ICA1L: variants seen among roughly 807,000 people sequenced by gnomAD.
ICA1L encodes the protein islet cell autoantigen 1-like protein.
In ICA1L, 50 loss-of-function variants were observed where a neutral mutation model predicts 61.3. The observed-to-expected ratio is 0.82, with a 90% CI of 0.65 to 1.03. ICA1L has a LOEUF of 1.03. Among genes scored for constraint, ICA1L ranks in the 50% least tolerant of loss-of-function variants. The pLI is 0.00. For synonymous variants in ICA1L, 161 were observed against 191.3 expected (o/e 0.84, Z 1.31); for missense variants, 508 against 556.7 (o/e 0.91, Z 0.88).
At chr2:202,811,156 G>A (rs879482821) in intron 9 of ICA1L, among the ~76,000 whole-genome samples, 7 of 152,116 alleles carry the variant, frequency 4.6e-5, no homozygotes, top group East Asian at 1.9e-4. Context: ...CTGGTTTTGC[G>A]GCTTGTGGGG....
chr2:202,779,869 T>A (rs1363518791), intron 12 of ICA1L, among the ~76,000 whole-genome samples: 1 of 151,024 alleles, frequency 6.6e-6, no homozygotes, highest in Admixed American at 6.6e-5. Flanking sequence ...GGTCTGGAAC[T>A]CCTGGGCTCA....
intron 1 of ICA1L, among the ~76,000 whole-genome samples, chr2:202,863,496 T>C (rs1166424148): frequency 6.6e-6 from 1 of 151,468 alleles, no homozygotes; most frequent in Non-Finnish European, 1.5e-5. Context: ...GTAAGACTGA[T>C]CAACAAAGAA....
intron 1 of ICA1L, among the ~76,000 whole-genome samples, chr2:202,836,574 T>C (rs1229217339): frequency 6.6e-6 from 1 of 152,038 alleles, no homozygotes; most frequent in Non-Finnish European, 1.5e-5. Context: ...TTCAGAAGGA[T>C]TGGTTTTAAT....
intron 1 of ICA1L, chr2:202,840,281 C>A (rs757958912): frequency 1.1e-5 from 5 of 447,684 alleles, no homozygotes; most frequent in African/African-American, 4.0e-5. Context: ...CCCTCCCAAG[C>A]TCTGGGGCAG....
chr2:202,810,838 G>A (rs1308351110), intron 9 of ICA1L, among the ~76,000 whole-genome samples: 1 of 152,168 alleles, frequency 6.6e-6, no homozygotes, highest in East Asian at 1.9e-4. Context: ...TATGGTCATA[G>A]CTGTGGGATG....
chr2:202,821,006 G>A (rs1371719657), intron 4 of ICA1L, among the ~76,000 whole-genome samples: 4 of 152,064 alleles, frequency 2.6e-5, no homozygotes, highest in Admixed American at 6.6e-5. Context: ...ATCAAAAAGC[G>A]AAATTGGAAA....
At chr2:202,863,223 C>T (rs769594969) in intron 1 of ICA1L, among the ~76,000 whole-genome samples, 3 of 151,702 alleles carry the variant, frequency 2.0e-5, no homozygotes, top group South Asian at 2.1e-4. Context: ...ACCCGGGAGG[C>T]GGAGGTTGCA....
intron 9 of ICA1L, among the ~76,000 whole-genome samples, chr2:202,803,538 ATC>A (rs1308062830): frequency 6.6e-6 from 1 of 152,096 alleles, no homozygotes; most frequent in Non-Finnish European, 1.5e-5. Context: ...TAAGCCAAAA[ATC>A]ATTATTATTA....
At chr2:202,855,903 G>C (rs762343078) in intron 1 of ICA1L, among the ~76,000 whole-genome samples, 2 of 151,874 alleles carry the variant, frequency 1.3e-5, no homozygotes, top group African/African-American at 4.8e-5. Context: ...GTGAAACCCC[G>C]TCTCTACTAA....
In ICA1L at chr2:202,777,874, GTCT is replaced by G. The variant is rs994639653; in HGVS notation, c.*1656_*1658del. On this transcript the variant is annotated 3_prime_UTR_variant, in exon 13 of 13. Transcript: ENST00000358299. Reference sequence around the variant, plus strand: ...CTACTGTGAATAACTTAGTTAAAATGTCTTTTTTTTTTTTTTTTTTTTTTGAGA... The same window carrying G: ...CTACTGTGAATAACTTAGTTAAAATGTTTTTTTTTTTTTTTTTTTTTGAGA... 2 of 139,542 alleles carry G rather than the reference GTCT, an allele frequency of 1.4e-5. No individual in the cohort carries two copies. The highest frequency in any genetic ancestry group is 2.7e-5 in the African/African-American group (1 of 37,394). 8.6% of individuals were successfully genotyped at this position (139,542 alleles called of 1,614,324 possible).
At chr2:202,795,251 A>T (rs906254667) in intron 10 of ICA1L, among the ~76,000 whole-genome samples, 3 of 152,026 alleles carry the variant, frequency 2.0e-5, no homozygotes, top group African/African-American at 4.8e-5. Context: ...TTGGCCTCCC[A>T]AAGTGCTGGG....
At chr2:202,871,372 T>TG (rs1258204974) in intron 1 of ICA1L, 1 of 151,512 alleles carries the variant, frequency 6.6e-6, no homozygotes, top group Non-Finnish European at 1.5e-5. Context: ...GGGTTTTGCC[T>TG]GGGGGGAGGC....
chr2:202,792,773 C>T (rs1278739323), intron 10 of ICA1L, among the ~76,000 whole-genome samples: 1 of 151,942 alleles, frequency 6.6e-6, no homozygotes, highest in Admixed American at 6.6e-5. Context: ...CACTGCACTC[C>T]AGCCTGGGCG....
chr2:202,803,238 T>A (rs1358044255), intron 9 of ICA1L, among the ~76,000 whole-genome samples: 1 of 151,492 alleles, frequency 6.6e-6, no homozygotes, highest in Non-Finnish European at 1.5e-5. Context: ...CCAGACCCCA[T>A]CACTACTAAA....
chr2:202,784,551 TATATC>T (rs758384407), intron 12 of ICA1L, among the ~76,000 whole-genome samples: 3 of 152,208 alleles, frequency 2.0e-5, no homozygotes, highest in Non-Finnish European at 2.9e-5. Context: ...GGGAATGAAT[TATATC>T]TCAGTAAGCT....
chr2:202,815,408 T>G (rs190568800), intron 7 of ICA1L, among the ~76,000 whole-genome samples: 3 of 152,106 alleles, frequency 2.0e-5, no homozygotes, highest in Non-Finnish European at 4.4e-5. Context: ...AGTTAAAAGG[T>G]ACTGAAACCT....
Position 202,776,928 on chromosome 2 carries a change from C to T in ICA1L, c.*2605G>A, listed in dbSNP as rs1271597148. 2 of 151,122 alleles carry T rather than the reference C, an allele frequency of 1.3e-5. No individual in the cohort carries two copies. The highest frequency in any genetic ancestry group is 6.6e-5 in the Admixed American group (1 of 15,134). The allele number at this position is 151,122 out of a possible 1,614,324, so 9.4% of individuals were successfully genotyped here. On this transcript the variant is annotated 3_prime_UTR_variant, in exon 13 of 13. Transcript: ENST00000358299. ...GTCTGCTTGTTAAAGTATCTGTATT[C>T]GATAACAGGGACTTCCTTGCACACA... is the stretch of plus-strand genomic sequence containing the variant.
intron 9 of ICA1L, among the ~76,000 whole-genome samples, chr2:202,802,261 A>G (rs1321050296): frequency 1.3e-5 from 2 of 152,162 alleles, no homozygotes; most frequent in South Asian, 2.1e-4. Flanking sequence ...ACTTACCTAG[A>G]ATGTACTGTA....
chr2:202,847,441 C>G (rs1441692479), intron 1 of ICA1L, among the ~76,000 whole-genome samples: 1 of 152,062 alleles, frequency 6.6e-6, no homozygotes, highest in East Asian at 1.9e-4. Context: ...GCTTGGGTCT[C>G]TAGTCAGACT....
Sources: allele counts gnomAD v4.1 joint callset (sites outside exome capture counted in the v4.1 genomes callset), GRCh38; gene constraint gnomAD v4.1.1; transcripts MANE v1.5; gene names NCBI Gene and HGNC (gene_info 2026-07-23, HGNC 2026-07-21).